The following CTSB variants were observed in gnomAD, a reference collection of about 807,000 sequenced individuals.
CTSB encodes APP secretase.
In CTSB, 57 loss-of-function variants were observed where a neutral mutation model predicts 44.3. That is an observed-to-expected ratio of 1.29 (90% CI 1.04 to 1.60). CTSB has a LOEUF of 1.60. Ranked by LOEUF, CTSB falls within the 40% of genes most tolerant of loss-of-function variation. The pLI, the probability that CTSB is intolerant of heterozygous loss-of-function variation, is 0.00. For missense variants in CTSB, 768 were observed against 443.0 expected (o/e 1.73, Z -6.59); for synonymous variants, 320 against 168.0 (o/e 1.91, Z -7.00).
intron 1 of CTSB, among the ~76,000 whole-genome samples, chr8:11,866,135 A>C (rs1335403262): frequency 1.3e-5 from 2 of 152,222 alleles, no homozygotes; most frequent in Non-Finnish European, 2.9e-5. Flanking sequence ...TCCAACCAAG[A>C]GCAACAGAAA....
intron 4 of CTSB, 87 bp downstream of exon 4, chr8:11,850,779 G>A: frequency 1.1e-6 from 1 of 883,508 alleles, no homozygotes; most frequent in Non-Finnish European, 1.8e-6. Flanking sequence ...CCTTGTCAGA[G>A]TTGTCCCCAC....
At position 11,845,715 on chromosome 8, in the gene CTSB, C is replaced by T. The variant is rs777981139; in HGVS notation, c.868G>A (p.Gly290Ser). ...TTGGCAACCAGCCAGTAGGGTGTGCCATTCTCCACTCCCCAGCCCAGGATG... is the reference window on the plus strand; with the variant it reads ...TTGGCAACCAGCCAGTAGGGTGTGCTATTCTCCACTCCCCAGCCCAGGATG... ...IRILGWGVEN[G>S]TPYWLVANSW... Residue 290 changes from glycine to serine, a missense_variant, in exon 9 of 10, where the codon GGC becomes AGC. Transcript: ENST00000353047. 5.6e-6 allele frequency: 9 copies of T among 1,614,146 alleles called. No homozygotes were observed. Among genetic ancestry groups the T allele is most frequent in the Admixed American group, 1.7e-5 (1 of 60,022 alleles).
chr8:11,849,865 G>C (rs1814229297), intron 4 of CTSB: 1 of 152,184 alleles, frequency 6.6e-6, no homozygotes, highest in South Asian at 2.1e-4. Flanking sequence ...ACAGGCGTGA[G>C]CTACCGTACC....
At chr8:11,855,376 G>A (rs961318266) in intron 1 of CTSB, among the ~76,000 whole-genome samples, 1 of 152,210 alleles carries the variant, frequency 6.6e-6, no homozygotes, top group African/African-American at 2.4e-5. Context: ...TGAAAAACAG[G>A]CTGGGTGCGG....
At chr8:11,848,452 T>C (rs1282233119) in intron 5 of CTSB, 3 of 499,000 alleles carry the variant, frequency 6.0e-6, no homozygotes, top group Non-Finnish European at 1.1e-5. Flanking sequence ...GAACACTGAT[T>C]CTCAACTGAG....
chr8:11,852,736 T>G, intron 2 of CTSB, 41 bp from the exon 3 acceptor site: 2 of 1,566,036 alleles, frequency 1.3e-6, no homozygotes, highest in Non-Finnish European at 1.8e-6. Flanking sequence ...TCTCCCGGGA[T>G]GGCGGTGGAT....
intron 2 of CTSB, among the ~76,000 whole-genome samples, chr8:11,853,073 A>G (rs1317925964): frequency 6.6e-6 from 1 of 151,278 alleles, no homozygotes; most frequent in Non-Finnish European, 1.5e-5. Flanking sequence ...AAGCTCACTT[A>G]CTCCCCCACA....
chr8:11,846,571 G>GGT (rs1246572399), intron 8 of CTSB, among the ~76,000 whole-genome samples: 21 of 152,320 alleles, frequency 1.4e-4, no homozygotes, highest in African/African-American at 4.8e-4. Flanking sequence ...CCCAGGGCAA[G>GGT]GTCCTCCCTG....
chr8:11,845,687 G>C lies in CTSB; in HGVS notation c.896C>G (p.Ser299Cys), dbSNP rs775321729. 4 of 1,613,974 alleles carry C rather than the reference G, an allele frequency of 2.5e-6. No homozygotes were observed. The highest frequency in any genetic ancestry group is 3.4e-6 in the Non-Finnish European group (4 of 1,179,854). ...NGTPYWLVANSWNTDWGDNGF... is the reference protein window; with the variant it reads ...NGTPYWLVANCWNTDWGDNGF... Reference sequence around the variant, plus strand: ...ATTGTCACCCCAGTCAGTGTTCCAGGAGTTGGCAACCAGCCAGTAGGGTGT... The same window carrying C: ...ATTGTCACCCCAGTCAGTGTTCCAGCAGTTGGCAACCAGCCAGTAGGGTGT... Residue 299 changes from serine to cysteine, a missense_variant, in exon 9 of 10, where the codon TCC becomes TGC. Physicochemically the swap from Ser to Cys is moderately radical, Grantham distance 112. Coordinates refer to ENST00000353047, the MANE Select transcript of CTSB (RefSeq NM_001908.5).
intron 3 of CTSB, among the ~76,000 whole-genome samples, 192 bp from the exon 4 acceptor site, chr8:11,851,172 T>C (rs1272116878): frequency 2.0e-5 from 3 of 150,908 alleles, no homozygotes; most frequent in Non-Finnish European, 4.4e-5. Flanking sequence ...AATGCACCTT[T>C]TGATTTTTTT....
chr8:11,858,125 G>C (rs918686734), intron 1 of CTSB, among the ~76,000 whole-genome samples: 1 of 152,162 alleles, frequency 6.6e-6, no homozygotes. Flanking sequence ...AAATGAGGAG[G>C]ACCAAAGCGC....
rs1472921510 is a variant in CTSB at position 11,848,135 on chromosome 8, G to A, written c.464C>T (p.Pro155Leu). 2 of 1,614,172 alleles carry A rather than the reference G, an allele frequency of 1.2e-6. No homozygotes were observed. The highest frequency in any genetic ancestry group is 2.2e-5 in the East Asian group (1 of 44,882). Residue 155 changes from proline to leucine, a missense_variant, in exon 6 of 10, where the codon CCT becomes CTT. Transcript: ENST00000353047. The part of the protein sequence containing the change: ...MCGDGCNGGY[P>L]AEAWNFWTRK... ...TGTCCAGAAGTTCCAAGCTTCAGCA[G>A]GATAGCCACCATTACAGCTGAAAAG...
intron 7 of CTSB, 98 bp downstream of exon 7, chr8:11,847,581 A>G: frequency 7.3e-7 from 1 of 1,363,842 alleles, no homozygotes; most frequent in Non-Finnish European, 9.8e-7. Flanking sequence ...CCGGGACCCC[A>G]AGGCTCCTCA....
At chr8:11,859,671 G>C (rs923058388) in intron 1 of CTSB, among the ~76,000 whole-genome samples, 3 of 149,810 alleles carry the variant, frequency 2.0e-5, no homozygotes, top group Admixed American at 6.8e-5. Flanking sequence ...GGGAGGCTGA[G>C]GCAGGAGAAT....
At position 11,847,019 on chromosome 8, in the gene CTSB, C is replaced by A. The variant is rs370643234; in HGVS notation, c.793+33G>T. On this transcript the variant is annotated intron_variant, in intron 8 of 9. Coordinates refer to ENST00000353047, the MANE Select transcript of CTSB (RefSeq NM_001908.5). ...GCACCCAGGCTCCCCTCCCGACCCC[C>A]ACCCTCTATTGCCATCAGCCATCAG... 5.2e-6 allele frequency: 6 copies of A among 1,156,240 alleles called. No homozygotes were observed. In the African/African-American group the frequency reaches 9.1e-5, roughly 18 times the overall value. The allele number at this position is 1,156,240 out of a possible 1,614,324, so 71.6% of individuals were successfully genotyped here. A position where few individuals can be genotyped will look rare whatever the true frequency, so the allele number is the denominator to read the frequency against.
chr8:11,849,212 C>G, intron 4 of CTSB, 48 bp from the exon 5 acceptor site: 1 of 1,515,540 alleles, frequency 6.6e-7, no homozygotes, highest in Non-Finnish European at 9.1e-7. Context: ...CCGGGCTGGG[C>G]CCTCTGCAGC....
In CTSB at chr8:11,849,038, T is replaced by C. The variant is rs762795801; in HGVS notation, c.446+8A>G. On this transcript the variant is annotated splice_region_variant and intron_variant, in intron 5 of 9. Coordinates refer to ENST00000353047, the MANE Select transcript of CTSB (RefSeq NM_001908.5). ...CTAAACCCGCTGTGGAAGCACAGCC[T>C]GACTCACCCGTCCCCACACATGCTG... is the stretch of plus-strand genomic sequence containing the variant. 1.2e-6 allele frequency: 2 copies of C among 1,606,690 alleles called. No individual in the cohort carries two copies. The highest frequency in any genetic ancestry group is 2.7e-5 in the African/African-American group (2 of 74,888).
chr8:11,845,822 C>G lies in CTSB; in HGVS notation c.794-33G>C, dbSNP rs201611723. The G allele has an allele frequency of 3.4e-4, 537 of 1,588,320 alleles. 4 individuals are homozygous for G. The highest frequency in any genetic ancestry group is 1.7e-4 in the Middle Eastern group (1 of 5,994). ...GGGAAGAACTGGCTGAGACCGAGAC[C>G]GGGCCACTGTCCCACGCCCCACAGC... On this transcript the variant is annotated intron_variant, in intron 8 of 9. Transcript: ENST00000353047.
At chr8:11,866,482 G>C (rs1009512325) in intron 1 of CTSB, among the ~76,000 whole-genome samples, 1 of 152,262 alleles carries the variant, frequency 6.6e-6, no homozygotes, top group Admixed American at 6.5e-5. Context: ...TGTTCTCCAG[G>C]AGACGTTTGA....
Sources: allele counts gnomAD v4.1 joint callset (sites outside exome capture counted in the v4.1 genomes callset), GRCh38; gene constraint gnomAD v4.1.1; transcripts MANE v1.5; gene names NCBI Gene and HGNC (gene_info 2026-07-23, HGNC 2026-07-21).